EPHA3: variants seen among roughly 807,000 people sequenced by gnomAD.
EPHA3 encodes the protein EPH receptor A3.
In EPHA3, 42 loss-of-function variants were observed where a neutral mutation model predicts 107.1. The observed-to-expected ratio is 0.39, with a 90% CI of 0.31 to 0.51. The LOEUF is 0.51. Ranked by LOEUF, EPHA3 falls within the 20% of genes least tolerant of loss-of-function variation. The pLI is 0.78. For synonymous variants in EPHA3, 461 were observed against 424.8 expected (o/e 1.09, Z -1.05); for missense variants, 1,183 against 1,211.2 (o/e 0.98, Z 0.35).
At chr3:89,316,872 T>C (rs1418291398) in intron 3 of EPHA3, among the ~76,000 whole-genome samples, 1 of 151,680 alleles carries the variant, frequency 6.6e-6, no homozygotes, top group African/African-American at 2.4e-5. Context: ...ACTTTATGAA[T>C]GGTCATTTCA....
intron 13 of EPHA3, among the ~76,000 whole-genome samples, chr3:89,441,636 T>C (rs1226832045): frequency 3.3e-5 from 5 of 152,128 alleles, no homozygotes; most frequent in Non-Finnish European, 7.4e-5. Flanking sequence ...GAAAGCAATT[T>C]CTAAACCAGA....
At chr3:89,442,240 C>T (rs1322849015) in intron 13 of EPHA3, among the ~76,000 whole-genome samples, 1 of 151,842 alleles carries the variant, frequency 6.6e-6, no homozygotes, top group African/African-American at 2.4e-5. Context: ...ATCATCAAAA[C>T]CCAAGTATTA....
intron 2 of EPHA3, among the ~76,000 whole-genome samples, chr3:89,191,473 A>AT (rs1365177031): frequency 4.6e-5 from 7 of 151,702 alleles, no homozygotes; most frequent in African/African-American, 1.5e-4. Flanking sequence ...CGCCCGGCTA[A>AT]TTTTTTGTAT....
chr3:89,271,412 T>A (rs1322287639), intron 3 of EPHA3, among the ~76,000 whole-genome samples: 1 of 151,836 alleles, frequency 6.6e-6, no homozygotes, highest in Non-Finnish European at 1.5e-5. Flanking sequence ...TTTTCTAATG[T>A]TTTTTTAATG....
intron 2 of EPHA3, among the ~76,000 whole-genome samples, chr3:89,144,455 C>G (rs1208313502): frequency 6.6e-6 from 1 of 151,654 alleles, no homozygotes; most frequent in African/African-American, 2.4e-5. Context: ...CCTTGTGTGC[C>G]TTCCATTTTG....
At chr3:89,150,935 C>T (rs574772412) in intron 2 of EPHA3, among the ~76,000 whole-genome samples, 2 of 152,078 alleles carry the variant, frequency 1.3e-5, no homozygotes, top group South Asian at 4.1e-4. Context: ...ATGGATCATG[C>T]CACTGCACTC....
At chr3:89,361,596 ATG>A (rs1322442361) in intron 5 of EPHA3, among the ~76,000 whole-genome samples, 1 of 151,170 alleles carries the variant, frequency 6.6e-6, no homozygotes, top group Non-Finnish European at 1.5e-5. Flanking sequence ...CTTTTCACAA[ATG>A]TTTCACAGTT....
chr3:89,432,230 A>G (rs549811424), intron 13 of EPHA3, among the ~76,000 whole-genome samples: 1 of 152,284 alleles, frequency 6.6e-6, no homozygotes, highest in Admixed American at 6.5e-5. Context: ...TTTTAAAAGC[A>G]CACTTTACTA....
intron 15 of EPHA3, among the ~76,000 whole-genome samples, chr3:89,456,286 A>G (rs1710096190): frequency 6.6e-6 from 1 of 152,182 alleles, no homozygotes; most frequent in South Asian, 2.1e-4. Flanking sequence ...GGTACAAAGC[A>G]TTCAAGTTTC....
intron 5 of EPHA3, among the ~76,000 whole-genome samples, chr3:89,383,367 A>G (rs1708548347): frequency 6.6e-6 from 1 of 152,178 alleles, no homozygotes; most frequent in Admixed American, 6.5e-5. Flanking sequence ...GTTAGAATGG[A>G]GGGTGGGCAA....
intron 2 of EPHA3, among the ~76,000 whole-genome samples, chr3:89,145,356 A>C (rs183826253): frequency 2.0e-5 from 3 of 151,720 alleles, no homozygotes; most frequent in African/African-American, 7.2e-5. Context: ...AAATATTTAA[A>C]ATAATATCCA....
chr3:89,141,400 A>G (rs1182070527), intron 2 of EPHA3, among the ~76,000 whole-genome samples: 2 of 151,554 alleles, frequency 1.3e-5, no homozygotes, highest in South Asian at 4.1e-4. Context: ...TATCTGTTCT[A>G]TAAGAAAGGG....
intron 12 of EPHA3, among the ~76,000 whole-genome samples, chr3:89,429,695 CATCTATCTATCTATCTATCT>C (rs55794052): frequency 2.0e-5 from 3 of 149,246 alleles, no homozygotes; most frequent in Non-Finnish European, 3.0e-5. Context: ...GTTTATCTAT[CATCTATCTATCTATCTATCT>C]ATCTATCTAT....
chr3:89,421,177 C>A (rs1709345399), intron 11 of EPHA3, among the ~76,000 whole-genome samples: 1 of 151,292 alleles, frequency 6.6e-6, no homozygotes, highest in Non-Finnish European at 1.5e-5. Flanking sequence ...TCAAAAATTT[C>A]TGGAACTATT....
intron 5 of EPHA3, among the ~76,000 whole-genome samples, chr3:89,386,375 G>T (rs921809331): frequency 1.3e-5 from 2 of 152,180 alleles, no homozygotes; most frequent in African/African-American, 4.8e-5. Context: ...TGTCCCAGCT[G>T]CTCCAGCTGT....
chr3:89,421,373 A>G (rs1163828001), intron 11 of EPHA3, among the ~76,000 whole-genome samples: 1 of 151,294 alleles, frequency 6.6e-6, no homozygotes, highest in Non-Finnish European at 1.5e-5. Context: ...GGAAGGGAGG[A>G]CACAACAATA....
chr3:89,262,835 G>A (rs1479390861), intron 3 of EPHA3, among the ~76,000 whole-genome samples: 2 of 152,138 alleles, frequency 1.3e-5, no homozygotes, highest in Admixed American at 6.5e-5. Context: ...GTGCGCAGGT[G>A]AGTGGGTGCA....
intron 3 of EPHA3, among the ~76,000 whole-genome samples, chr3:89,217,211 T>G (rs796154082): frequency 2.0e-4 from 30 of 152,288 alleles, no homozygotes; most frequent in African/African-American, 7.0e-4. Flanking sequence ...GTATAAGTGT[T>G]GATAATATTT....
At chr3:89,165,489 C>G (rs1383761307) in intron 2 of EPHA3, among the ~76,000 whole-genome samples, 2 of 152,204 alleles carry the variant, frequency 1.3e-5, no homozygotes, top group African/African-American at 4.8e-5. Flanking sequence ...CAGACCATCT[C>G]TTAACTGTTC....
Sources: allele counts gnomAD v4.1 joint callset (sites outside exome capture counted in the v4.1 genomes callset), GRCh38; gene constraint gnomAD v4.1.1; transcripts MANE v1.5; gene names NCBI Gene and HGNC (gene_info 2026-07-23, HGNC 2026-07-21).